The following PRH1 variants were observed in gnomAD, a reference collection of about 807,000 sequenced individuals.
The protein encoded by PRH1 is proline rich protein HaeIII subfamily 1, also known as salivary acidic proline-rich phosphoprotein 1/2.
A neutral mutation model predicts 7.9 loss-of-function variants in PRH1; 7 were observed. That is an observed-to-expected ratio of 0.89 (90% CI 0.50 to 1.67). The LOEUF (loss-of-function observed/expected upper bound fraction) is 1.67. Ranked by LOEUF, PRH1 falls within the 40% of genes most tolerant of loss-of-function variation. PRH1 has a pLI of 0.00. For missense variants in PRH1, 109 were observed against 223.6 expected (o/e 0.49, Z 3.27); for synonymous variants, 45 against 80.8 (o/e 0.56, Z 2.38).
intron 2 of PRH1, chr12:10,973,369 A>G (rs1325517274): frequency 7.3e-6 from 2 of 274,340 alleles, no homozygotes. Context: ...TTTTGATAAT[A>G]TAATTGTTTC....
chr12:11,049,155 C>A (rs1438947904), upstream of PRH1: 1 of 379,748 alleles, frequency 2.6e-6, no homozygotes, highest in East Asian at 5.4e-5. Context: ...TCTTAACCCA[C>A]TCAAGGACAC....
At chr12:11,155,833 G>A (rs1947231870) in intron 1 of PRH1, among the ~76,000 whole-genome samples, 1 of 151,958 alleles carries the variant, frequency 6.6e-6, no homozygotes, top group African/African-American at 2.4e-5. Flanking sequence ...GTCATTCAAT[G>A]CACTTCTCTT....
At chr12:10,946,107 C>T (rs1285215407) in intron 2 of PRH1, among the ~76,000 whole-genome samples, 1 of 152,142 alleles carries the variant, frequency 6.6e-6, no homozygotes, top group Non-Finnish European at 1.5e-5. Flanking sequence ...ATACATCCTC[C>T]TCAGCTTATG....
At chr12:11,115,378 C>A (rs1167679821) in intron 1 of PRH1, among the ~76,000 whole-genome samples, 4 of 151,996 alleles carry the variant, frequency 2.6e-5, no homozygotes, top group Non-Finnish European at 5.9e-5. Context: ...GCACTCAACA[C>A]TGGAGCACCC....
At chr12:11,140,520 C>A (rs1009391424) in intron 1 of PRH1, among the ~76,000 whole-genome samples, 4 of 152,010 alleles carry the variant, frequency 2.6e-5, no homozygotes, top group African/African-American at 9.7e-5. Flanking sequence ...AATTCTGTGA[C>A]CAACGTCAAA....
At chr12:10,979,837 C>T (rs553516126) in intron 1 of PRH1, among the ~76,000 whole-genome samples, 2 of 152,032 alleles carry the variant, frequency 1.3e-5, no homozygotes, top group Non-Finnish European at 2.9e-5. Context: ...GGAGAGAAAA[C>T]GTGGACTCTA....
intron 2 of PRH1, among the ~76,000 whole-genome samples, chr12:10,903,931 C>CAAAAAAAAAAACAAAAAAAAA (rs1949760486): frequency 3.2e-5 from 1 of 31,098 alleles, no homozygotes; most frequent in Non-Finnish European, 6.7e-5. Context: ...ACAATAGCCT[C>CAAAAAAAAAAACAAAAAAAAA]AAAAAAAAAA....
intron 1 of PRH1, among the ~76,000 whole-genome samples, chr12:11,149,697 A>T (rs1397146200): frequency 1.4e-5 from 2 of 141,326 alleles, no homozygotes; most frequent in African/African-American, 5.1e-5. Context: ...TAAACATTAG[A>T]CCTAAAACCA....
At chr12:10,981,541 AT>A (rs1411014957) in intron 1 of PRH1, among the ~76,000 whole-genome samples, 7 of 151,466 alleles carry the variant, frequency 4.6e-5, no homozygotes, top group Admixed American at 3.9e-4. Flanking sequence ...CACCTGGCTA[AT>A]TTTTGTATTT....
chr12:10,887,116 C>T (rs565747196), upstream of PRH1, among the ~76,000 whole-genome samples: 1 of 152,210 alleles, frequency 6.6e-6, no homozygotes, highest in East Asian at 1.9e-4. Flanking sequence ...ACATGCCTCA[C>T]TCTTTTTTGA....
At chr12:11,169,711 C>T (rs1947755031) in intron 1 of PRH1, among the ~76,000 whole-genome samples, 2 of 152,100 alleles carry the variant, frequency 1.3e-5, no homozygotes, top group African/African-American at 4.8e-5. Flanking sequence ...TATGTGTGAA[C>T]TGAAACTATA....
intron 1 of PRH1, among the ~76,000 whole-genome samples, chr12:11,038,437 T>C (rs1279669908): frequency 6.6e-6 from 1 of 152,282 alleles, no homozygotes; most frequent in East Asian, 1.9e-4. Context: ...CAGAGTTTTA[T>C]CACCAATGTA....
At chr12:11,031,038 T>A (rs1361475311) in intron 1 of PRH1, 11 of 1,614,314 alleles carry the variant, frequency 6.8e-6, no homozygotes, top group Non-Finnish European at 8.5e-6. Context: ...CTGAGGCTAG[T>A]AGCAAGCCAG....
chr12:10,958,318 A>G (rs1350317365), intron 2 of PRH1, among the ~76,000 whole-genome samples: 2 of 152,108 alleles, frequency 1.3e-5, no homozygotes, highest in Non-Finnish European at 2.9e-5. Flanking sequence ...GAAAACAAAT[A>G]CCACATGTTC....
At chr12:10,972,789 T>C (rs548675508) in intron 2 of PRH1, among the ~76,000 whole-genome samples, 1 of 152,284 alleles carries the variant, frequency 6.6e-6, no homozygotes, top group African/African-American at 2.4e-5. Context: ...GTAGACAGAA[T>C]CCAACTTTTC....
chr12:10,991,852 G>T (rs7305429), intron 1 of PRH1, among the ~76,000 whole-genome samples: 12 of 151,670 alleles, frequency 7.9e-5, no homozygotes, highest in Non-Finnish European at 1.2e-4. Flanking sequence ...AAATAAACCA[G>T]GTTCAGTGCT....
At position 10,882,213 on chromosome 12, in the gene PRH1, G is replaced by C. The variant is rs202220933; in HGVS notation, c.*18+4C>G. 3 of 1,592,784 alleles carry C rather than the reference G, an allele frequency of 1.9e-6. No homozygotes were observed. The highest frequency in any genetic ancestry group is 2.6e-6 in the Non-Finnish European group (3 of 1,164,538). ...CTTTGATGGATAATAAACTGGAATCGTACCTGTCATTGAATCCTAGATTAC... is the reference window on the plus strand; with the variant it reads ...CTTTGATGGATAATAAACTGGAATCCTACCTGTCATTGAATCCTAGATTAC... On this transcript the variant is annotated splice_donor_region_variant and intron_variant, in intron 3 of 3. Coordinates refer to ENST00000543626, the MANE Select transcript of PRH1 (RefSeq NM_001393989.1).
chr12:11,120,226 GTA>G (rs1565671801), downstream of PRH1, among the ~76,000 whole-genome samples: 1 of 152,180 alleles, frequency 6.6e-6, no homozygotes, highest in Non-Finnish European at 1.5e-5. Context: ...CAAGAAAAGA[GTA>G]TCTTTGCCTA....
chr12:11,054,795 CTTTTTTTTTT>C (rs71051560), intron 1 of PRH1, among the ~76,000 whole-genome samples: 2 of 52,782 alleles, frequency 3.8e-5, no homozygotes, highest in African/African-American at 1.4e-4. Context: ...TCTGATGTTT[CTTTTTTTTTT>C]TTTTTTTTTT....
Sources: allele counts gnomAD v4.1 joint callset (sites outside exome capture counted in the v4.1 genomes callset), GRCh38; gene constraint gnomAD v4.1.1; transcripts MANE v1.5; gene names NCBI Gene and HGNC (gene_info 2026-07-23, HGNC 2026-07-21).